SLC14A2: variants seen among roughly 807,000 people sequenced by gnomAD.
SLC14A2 encodes the protein solute carrier family 14 member 2, also known as urea transporter 2.
In SLC14A2, 91 loss-of-function variants were observed where a neutral mutation model predicts 104.6. The ratio of observed to expected loss-of-function variants is 0.87; its 90% CI spans 0.73 to 1.04. The LOEUF is 1.04. Among genes scored for constraint, SLC14A2 ranks in the 50% least tolerant of loss-of-function variants. The pLI, the probability that SLC14A2 is intolerant of heterozygous loss-of-function variation, is 0.00. For missense variants in SLC14A2, 1,189 were observed against 1,156.0 expected, an observed-to-expected ratio of 1.03 and a Z score of -0.41; for synonymous variants, 476 against 466.4, an observed-to-expected ratio of 1.02 and a Z score of -0.27.
chr18:45,268,433 A>G (rs1203876126), intron 1 of SLC14A2, among the ~76,000 whole-genome samples: 1 of 152,272 alleles, frequency 6.6e-6, no homozygotes, highest in East Asian at 1.9e-4. Context: ...CAGGATAAAT[A>G]AATGGTACGA....
chr18:45,249,622 C>A (rs950784567), intron 1 of SLC14A2, among the ~76,000 whole-genome samples: 1 of 152,124 alleles, frequency 6.6e-6, no homozygotes, highest in South Asian at 2.1e-4. Context: ...CAGGCACAAC[C>A]CTTGACAGCA....
intron 1 of SLC14A2, among the ~76,000 whole-genome samples, chr18:45,222,707 C>A (rs1469305450): frequency 1.3e-5 from 2 of 152,142 alleles, no homozygotes; most frequent in Admixed American, 1.3e-4. Context: ...CACCAACTAC[C>A]CTTTGGATAT....
chr18:45,226,563 A>G (rs998574159), intron 1 of SLC14A2, among the ~76,000 whole-genome samples: 1 of 151,690 alleles, frequency 6.6e-6, no homozygotes, highest in African/African-American at 2.4e-5. Context: ...GCAAACTATC[A>G]CAAGGACAGA....
chr18:45,598,306 G>T (rs1000878809), intron 2 of SLC14A2, among the ~76,000 whole-genome samples: 8 of 152,004 alleles, frequency 5.3e-5, no homozygotes, highest in Non-Finnish European at 4.4e-5. Flanking sequence ...GAAACAAAAA[G>T]ACATTCAAGA....
intron 1 of SLC14A2, among the ~76,000 whole-genome samples, chr18:45,291,045 T>C (rs1047890971): frequency 6.6e-6 from 1 of 152,206 alleles, no homozygotes; most frequent in African/African-American, 2.4e-5. Context: ...TGTTAGAAAG[T>C]TGTGTCATGT....
At chr18:45,188,713 T>C in the SLC14A2 span, among the ~76,000 whole-genome samples, 1 of 152,298 alleles carries the variant, frequency 6.6e-6, no homozygotes, top group Admixed American at 6.5e-5. Context: ...CTCCCAGACT[T>C]GGAACTTTCT....
the SLC14A2 span, among the ~76,000 whole-genome samples, chr18:45,176,602 C>T: frequency 5.9e-4 from 90 of 152,266 alleles, no homozygotes; most frequent in African/African-American, 2.0e-3. Context: ...GAAAGAAAGG[C>T]TAAAGCTAAC....
intron 1 of SLC14A2, among the ~76,000 whole-genome samples, chr18:45,374,140 C>A (rs916787370): frequency 2.0e-5 from 3 of 152,172 alleles, no homozygotes; most frequent in African/African-American, 7.2e-5. Flanking sequence ...CTTCACCTGG[C>A]TATTTATAAG....
chr18:45,350,838 C>G (rs755449700), intron 1 of SLC14A2, among the ~76,000 whole-genome samples: 1 of 151,366 alleles, frequency 6.6e-6, no homozygotes, highest in African/African-American at 2.4e-5. Flanking sequence ...AAGACAATAG[C>G]AATATTTTTA....
intron 2 of SLC14A2, among the ~76,000 whole-genome samples, chr18:45,597,250 C>T (rs557836851): frequency 6.6e-6 from 1 of 152,092 alleles, no homozygotes; most frequent in South Asian, 2.1e-4. Context: ...TTGCTTGAAC[C>T]CAGGAGGAAA....
chr18:45,542,883 ATAATT>A (rs1362914299), intron 2 of SLC14A2, among the ~76,000 whole-genome samples: 1 of 151,778 alleles, frequency 6.6e-6, no homozygotes, highest in Admixed American at 6.6e-5. Context: ...AATATTTACT[ATAATT>A]TAATATTTTT....
At chr18:45,606,544 A>G (rs1003767496) in intron 2 of SLC14A2, among the ~76,000 whole-genome samples, 24 of 152,202 alleles carry the variant, frequency 1.6e-4, no homozygotes, top group African/African-American at 5.5e-4. Flanking sequence ...GTCAGCCACA[A>G]TCACGATGCC....
intron 1 of SLC14A2, among the ~76,000 whole-genome samples, chr18:45,458,591 T>C (rs1037290927): frequency 7.9e-5 from 12 of 152,184 alleles, no homozygotes; most frequent in Non-Finnish European, 1.8e-4. Flanking sequence ...TATAAATGCC[T>C]CTCCTGGCCC....
chr18:45,581,217 G>A (rs1191097464), intron 2 of SLC14A2, among the ~76,000 whole-genome samples: 1 of 152,184 alleles, frequency 6.6e-6, no homozygotes, highest in African/African-American at 2.4e-5. Context: ...GAGGGCAGAG[G>A]GGTGTGGGCC....
At chr18:45,344,307 C>T (rs1398408126) in intron 1 of SLC14A2, among the ~76,000 whole-genome samples, 1 of 152,118 alleles carries the variant, frequency 6.6e-6, no homozygotes, top group Non-Finnish European at 1.5e-5. Flanking sequence ...TTCTCTAAGA[C>T]CACATAAACA....
At chr18:45,449,752 C>A (rs1328575750) in intron 1 of SLC14A2, among the ~76,000 whole-genome samples, 1 of 152,126 alleles carries the variant, frequency 6.6e-6, no homozygotes. Context: ...GAAAACAAAC[C>A]CCAAGAATCA....
At chr18:45,654,501 A>G (rs9961733) in intron 10 of SLC14A2, among the ~76,000 whole-genome samples, 114,554 of 152,032 alleles carry the variant, frequency 0.75, 44,060 homozygotes, top group Non-Finnish European at 0.83. Context: ...TAGCCAACAA[A>G]ACCACTTAAT....
At position 45,308,577 on chromosome 18, in the gene SLC14A2, G is replaced by A. The variant is rs532799454; in HGVS notation, c.-125+95386G>A. Among the ~76,000 whole-genome samples, 45 of 152,058 alleles carry A rather than the reference G, an allele frequency of 3.0e-4. No individual in the cohort carries two copies. The South Asian group carries it at 7.7e-3, about 26-fold the overall frequency. ...TCCAGCCACTCGCTTTCCTCCCCTCGTTCACAATTTGCCCGGAGGGAGGAT... is the reference window on the plus strand; with the variant it reads ...TCCAGCCACTCGCTTTCCTCCCCTCATTCACAATTTGCCCGGAGGGAGGAT... On this transcript the variant is annotated intron_variant, in intron 1 of 20. Coordinates refer to the SLC14A2 transcript ENST00000586448.
intron 1 of SLC14A2, among the ~76,000 whole-genome samples, chr18:45,229,680 C>CT (rs1397171630): frequency 5.9e-5 from 9 of 152,176 alleles, no homozygotes; most frequent in African/African-American, 1.9e-4. Context: ...AACTCTTCAT[C>CT]TTTCCCCAAG....
Sources: gnomAD v4.1 joint callset for allele counts (sites outside exome capture counted in the v4.1 genomes callset) on GRCh38, gnomAD v4.1.1 for gene constraint, MANE v1.5 for transcripts, NCBI Gene and HGNC (gene_info 2026-07-23, HGNC 2026-07-21) for gene names.